Variants in ZNF473 observed in about 807,000 individuals in gnomAD.
ZNF473 encodes zinc finger protein 473, also known as zinc finger protein 100 homolog.
In ZNF473, 4 loss-of-function variants were observed where a neutral mutation model predicts 11.1. The ratio of observed to expected loss-of-function variants is 0.36; its 90% CI spans 0.18 to 0.82. The LOEUF is 0.82. ZNF473 is among the 40% of genes least tolerant of loss of function. The probability of loss-of-function intolerance (pLI) is 0.49; values close to 1 mark genes in which losing one functional copy is unlikely to be tolerated. For synonymous variants in ZNF473, 404 were observed against 390.4 expected, an observed-to-expected ratio of 1.03 and a Z score of -0.41; for missense variants, 854 against 1,084.0, an observed-to-expected ratio of 0.79 and a Z score of 2.98.
At chr19:50,032,522 C>G (rs752236855) in intron 2 of ZNF473, among the ~76,000 whole-genome samples, 1 of 152,096 alleles carries the variant, frequency 6.6e-6, no homozygotes, top group Non-Finnish European at 1.5e-5. Context: ...CCTCATTCAA[C>G]AAGTATTTAC....
At position 50,045,471 on chromosome 19, in the gene ZNF473, C is replaced by T. The variant is rs779147441; in HGVS notation, c.1028C>T (p.Thr343Ile). 40 of 1,614,048 alleles carry T rather than the reference C, an allele frequency of 2.5e-5. No homozygotes were observed. The East Asian group carries it at 4.5e-4, about 18-fold the overall frequency. Residue 343 changes from threonine (T) to isoleucine (I), a missense_variant, in exon 5 of 5, where the codon ACT becomes ATT. Transcript: ENST00000270617. Reference protein sequence around the residue: ...FHLTRHQKIHTRKRYECSKCQ... With the variant: ...FHLTRHQKIHIRKRYECSKCQ... ...CTTACTCGGCACCAGAAGATCCACA[C>T]TCGGAAACGCTATGAGTGTTCCAAG...
At chr19:50,038,713 G>A (rs563735065) in intron 2 of ZNF473, among the ~76,000 whole-genome samples, 1 of 152,272 alleles carries the variant, frequency 6.6e-6, no homozygotes, top group South Asian at 2.1e-4. Flanking sequence ...TTTTGAATGT[G>A]GTCTAGGTGT....
At chr19:50,040,204 T>TG (rs1978694389) in intron 3 of ZNF473, among the ~76,000 whole-genome samples, 1 of 152,166 alleles carries the variant, frequency 6.6e-6, no homozygotes, top group Non-Finnish European at 1.5e-5. Context: ...AGGAGGTACA[T>TG]GGGGCAAAGT....
Position 50,039,810 on chromosome 19 carries a change from G to A in ZNF473, c.136+523G>A, listed in dbSNP as rs562195829. Among the ~76,000 whole-genome samples the A allele has an allele frequency of 2.6e-5, 4 of 152,286 alleles. No homozygotes were observed. The highest frequency in any genetic ancestry group is 3.9e-4 in the East Asian group (2 of 5,192). Reference sequence around the variant, plus strand: ...TCCTCTCCTACTCATCTTGTCTGTCGCTCCCTCACGTTCTAACTACCATTG... The same window carrying A: ...TCCTCTCCTACTCATCTTGTCTGTCACTCCCTCACGTTCTAACTACCATTG... On this transcript the variant is annotated intron_variant, in intron 3 of 4. Transcript: ENST00000270617. This position sits in a 1 kb window ranked among gnomAD's most constrained non-coding sequence, Gnocchi z 4.8.
Position 50,046,993 on chromosome 19 carries a change from C to G in ZNF473, c.2550C>G (p.Ala850=). 6.2e-7 allele frequency: 1 copy of G among 1,614,052 alleles called. No individual in the cohort carries two copies. Among genetic ancestry groups the G allele is most frequent in the Non-Finnish European group, 8.5e-7 (1 of 1,180,046 alleles). ...TLYQCQRCQK[A]FRCHSSLSRH... ...ATCAGTGTCAACGTTGCCAGAAAGC[C>G]TTTCGGTGCCACTCGAGCCTCAGCC... is the stretch of plus-strand genomic sequence containing the variant. The change falls in exon 5 of 5, where the codon GCC becomes GCG. Residue 850 remains alanine, a synonymous_variant. Transcript: ENST00000270617. The surrounding 1 kb of genome is among the most constrained non-coding windows in gnomAD (Gnocchi z 5.9).
chr19:50,039,409 C>T lies in ZNF473; in HGVS notation c.136+122C>T, dbSNP rs1600757579. The T allele has an allele frequency of 7.8e-7, 1 of 1,286,564 alleles. No homozygotes were observed. The highest frequency in any genetic ancestry group is 2.5e-5 in the East Asian group (1 of 40,580). The allele number at this position is 1,286,564 out of a possible 1,614,324, so 79.7% of individuals were successfully genotyped here. On this transcript the variant is annotated intron_variant, in intron 3 of 4. Transcript: ENST00000270617. The surrounding 1 kb of genome is among the most constrained non-coding windows in gnomAD (Gnocchi z 4.8). ...TCCTCAGAATCAGCATGACCTAGCC[C>T]AGCAGTTCTCAGCTGGCCGAGGAGA...
chr19:50,044,874 C>G lies in ZNF473; in HGVS notation c.431C>G (p.Pro144Arg). Residue 144 changes from proline (P) to arginine (R), a missense_variant, in exon 5 of 5, where the codon CCC (proline) becomes CGC (arginine). Pro to Arg is a moderately radical substitution (Grantham distance 103). Around this residue, in one of 2 missense-constraint regions of ZNF473, gnomAD observed 668 missense variants for 790.2 expected, o/e 0.85. Coordinates refer to ENST00000270617, the MANE Select transcript of ZNF473 (RefSeq NM_015428.4). ...RSDIATNGES[P>R]TECKSHELKR... Reference sequence around the variant, plus strand: ...GATATTGCCACCAACGGGGAAAGTCCCACGGAATGCAAGAGTCATGAATTA... The same window carrying G: ...GATATTGCCACCAACGGGGAAAGTCGCACGGAATGCAAGAGTCATGAATTA... 6.2e-7 allele frequency: 1 copy of G among 1,614,152 alleles called. No homozygotes were observed.
chr19:50,041,703 G>T, intron 3 of ZNF473, 27 bp from the exon 4 acceptor site: 3 of 1,579,786 alleles, frequency 1.9e-6, no homozygotes, highest in Non-Finnish European at 2.6e-6. Flanking sequence ...GTCCTGGTTG[G>T]GTGACAATGC....
chr19:50,041,295 C>T (rs1015416935), intron 3 of ZNF473: 7 of 153,016 alleles, frequency 4.6e-5, no homozygotes, highest in African/African-American at 1.7e-4. Context: ...CTTGGGGAAG[C>T]TTGTGGAGGG....
intron 2 of ZNF473, among the ~76,000 whole-genome samples, chr19:50,036,314 C>CTT (rs35619461): frequency 0.014 from 1,505 of 108,752 alleles, 91 homozygotes; most frequent in East Asian, 0.12. Flanking sequence ...GAGGTGGGGC[C>CTT]TTTTTTTTTT....
In ZNF473 at chr19:50,039,285, T is replaced by C. The variant is rs1978644888; in HGVS notation, c.134T>C (p.Leu45Pro). 1 of 1,613,922 alleles carries C rather than the reference T, an allele frequency of 6.2e-7. No homozygotes were observed. Among genetic ancestry groups the C allele is most frequent in the South Asian group, 1.1e-5 (1 of 91,090 alleles). ...ALDNCQDLFL[L>P]DPPRPNLTSH... is the part of the protein sequence containing the mutation. ...GACAATTGCCAGGACCTCTTCCTGC[T>C]GGGTGAGTGTTGCCTGTCCCCAGGG... Residue 45 changes from leucine (L) to proline (P), a missense_variant and splice_region_variant, in exon 3 of 5, where the codon CTG becomes CCG. By Grantham distance (98) the Leu-to-Pro change is moderately conservative. This residue lies in a region of ZNF473 where 668 missense variants were observed against 790.2 expected (regional missense o/e 0.85). Transcript: ENST00000270617. The surrounding 1 kb of genome is among the most constrained non-coding windows in gnomAD (Gnocchi z 4.8).
rs755308543 is a variant in ZNF473 at position 50,045,768 on chromosome 19, G to A, written c.1325G>A (p.Arg442Gln). 12 of 1,613,868 alleles carry A rather than the reference G, an allele frequency of 7.4e-6. No individual in the cohort carries two copies. The highest frequency in any genetic ancestry group is 1.7e-5 in the Admixed American group (1 of 59,988). Residue 442 changes from arginine to glutamine, a missense_variant, in exon 5 of 5, where the codon CGG becomes CAG. Transcript: ENST00000270617. ...AGTGAGTGTGGGAAGGCCTTCCACCGGCACACTCACCTTAATGAACATCGG... is the reference window on the plus strand; with the variant it reads ...AGTGAGTGTGGGAAGGCCTTCCACCAGCACACTCACCTTAATGAACATCGG... ...KCSECGKAFH[R>Q]HTHLNEHRRI...
Position 50,031,119 on chromosome 19 carries a change from C to T in ZNF473, c.9+28C>T, listed in dbSNP as rs756986135. On this transcript the variant is annotated intron_variant, in intron 2 of 4. Transcript: ENST00000270617. The stretch of plus-strand genomic sequence containing the variant: ...GAGTTGAAGGTCGCTCTGTCCTAAT[C>T]GGTCACACCCAAAGGCAGAAAAATT... 7.9e-5 allele frequency: 124 copies of T among 1,562,000 alleles called. 1 individual carries two copies. The highest frequency in any genetic ancestry group is 9.9e-5 in the Non-Finnish European group (114 of 1,152,526).
chr19:50,044,514 A>G, intron 4 of ZNF473, 156 bp from the exon 5 acceptor site: 1 of 613,568 alleles, frequency 1.6e-6, no homozygotes, highest in South Asian at 2.2e-5. Flanking sequence ...CCTCCTGGGA[A>G]TGGGCTCTGT....
At position 50,041,648 on chromosome 19, in the gene ZNF473, A is replaced by G. The variant is rs532294982; in HGVS notation, c.137-82A>G. 220 of 1,242,964 alleles carry G rather than the reference A, an allele frequency of 1.8e-4. 1 individual carries two copies. In the Middle Eastern group the frequency reaches 2.0e-3, roughly 11 times the overall value. The allele number at this position is 1,242,964 out of a possible 1,614,324, so 77.0% of individuals were successfully genotyped here. ...GTGCAGGATAAAGCATAGAAAAGTC[A>G]GGAGAGCCAGGAGGTTCTCACTGAG... On this transcript the variant is annotated intron_variant, in intron 3 of 4. Coordinates refer to ENST00000270617, the MANE Select transcript of ZNF473 (RefSeq NM_015428.4).
chr19:50,039,408 C>T lies in ZNF473; in HGVS notation c.136+121C>T. ...CTCCTCAGAATCAGCATGACCTAGC[C>T]CAGCAGTTCTCAGCTGGCCGAGGAG... On this transcript the variant is annotated intron_variant, in intron 3 of 4. Coordinates refer to ENST00000270617, the MANE Select transcript of ZNF473 (RefSeq NM_015428.4). This position sits in a 1 kb window ranked among gnomAD's most constrained non-coding sequence, Gnocchi z 4.8. The T allele has an allele frequency of 7.5e-7, 1 of 1,340,974 alleles. No individual in the cohort carries two copies. The highest frequency in any genetic ancestry group is 1.0e-6 in the Non-Finnish European group (1 of 980,598). 83.1% of individuals were successfully genotyped at this position (1,340,974 alleles called of 1,614,324 possible). A position where few individuals can be genotyped will look rare whatever the true frequency, so the allele number is the denominator to read the frequency against.
intron 3 of ZNF473, 89 bp from the exon 4 acceptor site, chr19:50,041,640 GA>G: frequency 8.5e-7 from 1 of 1,173,222 alleles, no homozygotes; most frequent in Non-Finnish European, 1.2e-6. Flanking sequence ...ATAAAGCATA[GA>G]AAAGTCAGGA....
rs1978638542 is a variant in ZNF473 at position 50,039,227 on chromosome 19, G to C, written c.76G>C (p.Glu26Gln). The change falls in exon 3 of 5, where the codon GAA becomes CAA. Residue 26 changes from glutamate (E) to glutamine (Q), a missense_variant. Glu to Gln is a conservative substitution (Grantham distance 29). Coordinates refer to ENST00000270617, the MANE Select transcript of ZNF473 (RefSeq NM_015428.4). The surrounding 1 kb of genome is among the most constrained non-coding windows in gnomAD (Gnocchi z 4.8). ...TLGDWEQLGL[E>Q]QGDTFWDTAL... Reference sequence around the variant, plus strand: ...GGGAGACTGGGAGCAGCTCGGGCTGGAACAGGGGGACACGTTCTGGGACAC... The same window carrying C: ...GGGAGACTGGGAGCAGCTCGGGCTGCAACAGGGGGACACGTTCTGGGACAC... 2 of 1,614,186 alleles carry C rather than the reference G, an allele frequency of 1.2e-6. No homozygotes were observed. The highest frequency in any genetic ancestry group is 2.2e-5 in the East Asian group (1 of 44,874).
chr19:50,040,698 T>C (rs1050577582), intron 3 of ZNF473: 3 of 152,278 alleles, frequency 2.0e-5, no homozygotes, highest in African/African-American at 7.2e-5. Context: ...TCATTTTCCC[T>C]CTCTGTTGCC....
Sources: gnomAD v4.1 joint callset for allele counts (sites outside exome capture counted in the v4.1 genomes callset) on GRCh38, gnomAD v4.1.1 for gene constraint, gnomAD v4.1.1 regional missense constraint, Gnocchi (gnomAD v3.1) non-coding constraint, MANE v1.5 for transcripts, NCBI Gene and HGNC (gene_info 2026-07-23, HGNC 2026-07-21) for gene names.